Variants in SORBS2 observed in about 807,000 individuals in gnomAD.
SORBS2 encodes the protein sorbin and SH3 domain containing 2.
A neutral mutation model predicts 97.7 loss-of-function variants in SORBS2; 46 were observed. The ratio of observed to expected loss-of-function variants is 0.47; its 90% CI spans 0.37 to 0.60. The LOEUF (loss-of-function observed/expected upper bound fraction) is 0.60, where lower values mean the gene tolerates loss of function less well. SORBS2 is among the 20% of genes least tolerant of loss of function. The probability of loss-of-function intolerance (pLI) is 0.00; values close to 1 mark genes in which losing one functional copy is unlikely to be tolerated. For synonymous variants in SORBS2, 476 were observed against 473.4 expected (o/e 1.01, Z -0.07); for missense variants, 1,316 against 1,282.3 (o/e 1.03, Z -0.40).
chr4:185,595,572 T>G (rs546063715), intron 12 of SORBS2, among the ~76,000 whole-genome samples: 1 of 152,186 alleles, frequency 6.6e-6, no homozygotes, highest in African/African-American at 2.4e-5. Flanking sequence ...AAAACTTTCA[T>G]GCAGAAGTAA....
intron 2 of SORBS2, among the ~76,000 whole-genome samples, chr4:185,697,804 A>G (rs148683776): frequency 6.6e-6 from 1 of 152,296 alleles, no homozygotes; most frequent in African/African-American, 2.4e-5. Flanking sequence ...AGAAGCACAC[A>G]TTTCTATTTT....
intron 1 of SORBS2, among the ~76,000 whole-genome samples, chr4:185,839,635 A>C (rs967669912): frequency 6.6e-6 from 1 of 152,228 alleles, no homozygotes; most frequent in African/African-American, 2.4e-5. Context: ...AGTGCTGTAA[A>C]GAGTTGTTTT....
At chr4:185,644,414 A>T (rs941158929) in intron 4 of SORBS2, among the ~76,000 whole-genome samples, 1 of 152,240 alleles carries the variant, frequency 6.6e-6, no homozygotes, top group Admixed American at 6.5e-5. Context: ...ATTGTAAATT[A>T]GCCAATAAAT....
chr4:185,649,559 A>T (rs767295937), exon 3 of SORBS2: 1 of 1,605,898 alleles, frequency 6.2e-7, no homozygotes, highest in East Asian at 2.3e-5. Context: ...CCTTAAAGGC[A>T]TTGGGGCTGT....
chr4:185,772,981 C>A (rs2098979997), intron 2 of SORBS2: 1 of 151,866 alleles, frequency 6.6e-6, no homozygotes, highest in African/African-American at 2.4e-5. Context: ...CTTTGGCTAG[C>A]TTTCACCTGA....
At chr4:185,769,702 C>T (rs184389377) in intron 2 of SORBS2, among the ~76,000 whole-genome samples, 60 of 152,294 alleles carry the variant, frequency 3.9e-4, no homozygotes, top group Non-Finnish European at 7.4e-4. Context: ...GTTGGTCAGG[C>T]TAGTCTCGAA....
At position 185,816,506 on chromosome 4, in the gene SORBS2, AT is replaced by A. The variant is rs1279569346; in HGVS notation, c.-337-41141del. Among the ~76,000 whole-genome samples the A allele has an allele frequency of 3.9e-5, 6 of 152,238 alleles. No individual in the cohort carries two copies. In the East Asian group the frequency reaches 1.2e-3, roughly 29 times the overall value. On this transcript the variant is annotated intron_variant, in intron 1 of 20. Transcript: ENST00000284776. ...TCACAATGACGTGAACAATGTCAAA[AT>A]AGGACATTGATGGGAAATGTGACAA... is the stretch of plus-strand genomic sequence containing the variant.
At chr4:185,742,466 G>A (rs1252742373) in intron 2 of SORBS2, among the ~76,000 whole-genome samples, 1 of 152,092 alleles carries the variant, frequency 6.6e-6, no homozygotes, top group Non-Finnish European at 1.5e-5. Context: ...TATCCATCGA[G>A]CACCTACTAC....
At chr4:185,724,469 G>T (rs1181981335) in intron 2 of SORBS2, among the ~76,000 whole-genome samples, 4 of 152,006 alleles carry the variant, frequency 2.6e-5, no homozygotes, top group Non-Finnish European at 5.9e-5. Flanking sequence ...TGGGCCAACC[G>T]GTGATGAGAC....
chr4:185,691,215 TAG>T (rs955006622), intron 2 of SORBS2, among the ~76,000 whole-genome samples: 22 of 151,188 alleles, frequency 1.5e-4, no homozygotes, highest in African/African-American at 5.2e-4. Context: ...GTTTCTTTTT[TAG>T]AGAGAGGGTT....
At chr4:185,639,521 C>T (rs2153446787) in intron 4 of SORBS2, among the ~76,000 whole-genome samples, 1 of 152,224 alleles carries the variant, frequency 6.6e-6, no homozygotes, top group Middle Eastern at 3.4e-3. Context: ...GTTTACCTTA[C>T]CCAGCAGTGT....
rs564123863 is a variant in SORBS2, at chr4:185,650,074, CA to C, written c.92-419del. Among the ~76,000 whole-genome samples, 365 of 152,266 alleles carry C rather than the reference CA, an allele frequency of 2.4e-3. 2 individuals carry two copies. The highest frequency in any genetic ancestry group is 8.5e-3 in the African/African-American group (355 of 41,548). On this transcript the variant is annotated intron_variant, in intron 2 of 14. Coordinates refer to ENST00000418609, the Ensembl canonical transcript of SORBS2. Reference sequence around the variant, plus strand: ...CTAATACTTTAAAAACCCTGATTTACATATGAAAATTGACATGCTAATTGTA... The same window carrying C: ...CTAATACTTTAAAAACCCTGATTTACTATGAAAATTGACATGCTAATTGTA...
At chr4:185,836,189 A>G (rs1334796726) in intron 1 of SORBS2, among the ~76,000 whole-genome samples, 3 of 152,204 alleles carry the variant, frequency 2.0e-5, no homozygotes, top group African/African-American at 7.2e-5. Context: ...TTGCTTAAAA[A>G]AGAAGAATCA....
At chr4:185,691,870 A>G (rs142082918) in intron 2 of SORBS2, among the ~76,000 whole-genome samples, 9,977 of 152,070 alleles carry the variant, frequency 0.066, 413 homozygotes, top group Middle Eastern at 0.11. Flanking sequence ...TCAGCCTCCC[A>G]AGTAGCTGGG....
chr4:185,626,658 G>A (rs185163164), intron 6 of SORBS2, among the ~76,000 whole-genome samples, 174 bp downstream of exon 18: 240 of 152,268 alleles, frequency 1.6e-3, no homozygotes, highest in African/African-American at 3.3e-3. Flanking sequence ...TAAGTGGCTC[G>A]CCAGCTTGAG....
chr4:185,673,458 T>TA (rs1419389601), intron 4 of SORBS2, among the ~76,000 whole-genome samples: 1 of 151,952 alleles, frequency 6.6e-6, no homozygotes, highest in African/African-American at 2.4e-5. Flanking sequence ...TACCTACCAG[T>TA]AAAAAAAATG....
chr4:185,635,120 T>A (rs2096972885), intron 4 of SORBS2, among the ~76,000 whole-genome samples: 1 of 152,180 alleles, frequency 6.6e-6, no homozygotes, highest in African/African-American at 2.4e-5. Flanking sequence ...CATAGAATAG[T>A]ATAACTAGCA....
intron 2 of SORBS2, among the ~76,000 whole-genome samples, chr4:185,652,302 CA>C (rs1446459196): frequency 6.6e-6 from 1 of 152,212 alleles, no homozygotes; most frequent in Non-Finnish European, 1.5e-5. Flanking sequence ...CAGGCTCAGG[CA>C]GACCCGCGCA....
rs892673243 is a variant in SORBS2, at chr4:185,695,720, A to T, written c.-197-16898T>A. On this transcript the variant is annotated intron_variant, in intron 2 of 20. Coordinates refer to the SORBS2 transcript ENST00000284776. ...AAATAAGAAGTATTCATAAATGCCA[A>T]GTGATTTCACTTTTCTATTATAGTC... 2.0e-5 allele frequency among the ~76,000 whole-genome samples: 3 copies of T among 152,320 alleles called. No homozygotes were observed. The East Asian group carries it at 5.8e-4, about 29-fold the overall frequency.
Sources: allele counts gnomAD v4.1 joint callset (sites outside exome capture counted in the v4.1 genomes callset), GRCh38; gene constraint gnomAD v4.1.1; transcripts MANE v1.5; gene names NCBI Gene and HGNC (gene_info 2026-07-23, HGNC 2026-07-21).